Variants in PBX3 observed in about 807,000 individuals in gnomAD.
The protein encoded by PBX3 is PBX homeobox 3.
In PBX3, 14 loss-of-function variants were observed where a neutral mutation model predicts 48.5. That is an observed-to-expected ratio of 0.29 (90% CI 0.19 to 0.45). The LOEUF is 0.45. Among genes scored for constraint, PBX3 ranks in the 20% least tolerant of loss-of-function variants. The pLI, the probability that PBX3 is intolerant of heterozygous loss-of-function variation, is 1.00. For synonymous variants in PBX3, 210 were observed against 200.3 expected (o/e 1.05, Z -0.41); for missense variants, 386 against 546.7 (o/e 0.71, Z 2.93).
intron 2 of PBX3, among the ~76,000 whole-genome samples, chr9:125,758,663 C>T (rs140582020): frequency 7.0e-4 from 106 of 152,176 alleles, no homozygotes; most frequent in Non-Finnish European, 1.4e-3. Context: ...CTTCCTTAAG[C>T]GATTATAATT....
intron 5 of PBX3, among the ~76,000 whole-genome samples, chr9:125,955,549 G>A (rs957217779): frequency 6.6e-6 from 1 of 152,214 alleles, no homozygotes; most frequent in African/African-American, 2.4e-5. Flanking sequence ...CCAGGGAGAG[G>A]GAGGCAGGCT....
intron 2 of PBX3, among the ~76,000 whole-genome samples, chr9:125,825,597 C>T (rs920527982): frequency 9.9e-5 from 15 of 151,658 alleles, no homozygotes; most frequent in Non-Finnish European, 5.9e-5. Flanking sequence ...TTGTCAACTT[C>T]ATTGTATACT....
chr9:125,813,702 T>G (rs1838365727), intron 2 of PBX3, among the ~76,000 whole-genome samples: 1 of 152,152 alleles, frequency 6.6e-6, no homozygotes, highest in South Asian at 2.1e-4. Flanking sequence ...TATCTTGTCT[T>G]TGCCTTGTCC....
At chr9:125,951,297 A>G (rs922505729) in intron 5 of PBX3, among the ~76,000 whole-genome samples, 1 of 152,166 alleles carries the variant, frequency 6.6e-6, no homozygotes, top group African/African-American at 2.4e-5. Context: ...CTTGTGCAGA[A>G]CAATAGCCCA....
Position 125,916,766 on chromosome 9 carries a change from A to T in PBX3, c.516+839A>T, listed in dbSNP as rs1051428753. On this transcript the variant is annotated intron_variant, in intron 3 of 8. Transcript: ENST00000373489. ...TCTTTTTACATATATTTTAGTTGTT[A>T]GTTTAATGCTGAAAAGCTGCCAAGT... Among the ~76,000 whole-genome samples the T allele has an allele frequency of 4.1e-4, 63 of 152,220 alleles. 1 individual carries two copies. Among genetic ancestry groups the T allele is most frequent in the Admixed American group, 2.0e-4 (3 of 15,284 alleles).
chr9:125,960,956 A>G, intron 6 of PBX3, 107 bp downstream of exon 6: 1 of 1,084,094 alleles, frequency 9.2e-7, no homozygotes. Flanking sequence ...GAGTGGACTT[A>G]AAAAGGAAGA....
At chr9:125,780,458 CG>C (rs1175756677) in intron 2 of PBX3, among the ~76,000 whole-genome samples, 48 of 110,762 alleles carry the variant, frequency 4.3e-4, no homozygotes, top group African/African-American at 1.7e-3. Context: ...GCTGGCCGGG[CG>C]GGGGGCTGAC....
Position 125,799,399 on chromosome 9 carries a change from C to T in PBX3, c.274+50776C>T, listed in dbSNP as rs779518627. ...GTGCACGCTGTAGTCCCAGCTACTC[C>T]GGAGGCTGAGGTGGGACGATTTCTT... is the stretch of plus-strand genomic sequence containing the variant. On this transcript the variant is annotated intron_variant, in intron 2 of 8. Coordinates refer to ENST00000373489, the MANE Select transcript of PBX3 (RefSeq NM_006195.6). Among the ~76,000 whole-genome samples, 44 of 151,956 alleles carry T rather than the reference C, an allele frequency of 2.9e-4. 2 individuals are homozygous for T. The highest frequency in any genetic ancestry group is 5.0e-4 in the Non-Finnish European group (34 of 67,988).
chr9:125,870,196 G>T (rs1323905479), intron 2 of PBX3, among the ~76,000 whole-genome samples: 1 of 151,990 alleles, frequency 6.6e-6, no homozygotes, highest in Non-Finnish European at 1.5e-5. Context: ...AGCCTTCCAA[G>T]TAGCTGGGAT....
chr9:125,964,185 C>T (rs1319330164), intron 8 of PBX3, among the ~76,000 whole-genome samples: 1 of 152,122 alleles, frequency 6.6e-6, no homozygotes, highest in Non-Finnish European at 1.5e-5. Context: ...AGTGCATAAT[C>T]TCAAACCACC....
intron 2 of PBX3, among the ~76,000 whole-genome samples, chr9:125,812,908 G>T (rs7040425): frequency 6.6e-6 from 1 of 152,002 alleles, no homozygotes; most frequent in African/African-American, 2.4e-5. Context: ...ACATGGTATA[G>T]CTGTATAGGG....
intron 2 of PBX3, among the ~76,000 whole-genome samples, chr9:125,771,159 G>A (rs1278741528): frequency 1.3e-5 from 2 of 152,156 alleles, no homozygotes; most frequent in South Asian, 2.1e-4. Flanking sequence ...AAAGGCTGGT[G>A]CATATTTCAT....
At chr9:125,899,193 ATATATATATTTATAAATATACATATG>A (rs1564162978) in intron 2 of PBX3, among the ~76,000 whole-genome samples, 3 of 143,272 alleles carry the variant, frequency 2.1e-5, no homozygotes, top group Non-Finnish European at 3.0e-5. Context: ...TCTTTAGATG[ATATATATATTTATAAATATACATATG>A]TATATATATT....
At chr9:125,945,842 T>C (rs1418660576) in intron 5 of PBX3, among the ~76,000 whole-genome samples, 2 of 152,294 alleles carry the variant, frequency 1.3e-5, no homozygotes, top group Admixed American at 1.3e-4. Context: ...AAGATACAGC[T>C]TGGAGGTCAT....
At chr9:125,826,344 C>T (rs754321146) in intron 2 of PBX3, among the ~76,000 whole-genome samples, 5 of 152,084 alleles carry the variant, frequency 3.3e-5, no homozygotes, top group Non-Finnish European at 7.4e-5. Flanking sequence ...AATAACCTTC[C>T]TTTCTCTTCA....
chr9:125,762,761 A>T (rs1836703435), intron 2 of PBX3, among the ~76,000 whole-genome samples: 1 of 152,234 alleles, frequency 6.6e-6, no homozygotes. Context: ...GGCAACCATA[A>T]AAACTTAAAA....
chr9:125,764,244 C>T (rs1008701273), intron 2 of PBX3, among the ~76,000 whole-genome samples: 1 of 152,204 alleles, frequency 6.6e-6, no homozygotes, highest in African/African-American at 2.4e-5. Flanking sequence ...TTGTCAGCAG[C>T]TTTCTTAGCC....
chr9:125,915,449 G>A (rs1349833377), intron 2 of PBX3, among the ~76,000 whole-genome samples: 1 of 152,050 alleles, frequency 6.6e-6, no homozygotes, highest in African/African-American at 2.4e-5. Flanking sequence ...CTAGTCTGTG[G>A]TAAATTGAGG....
intron 2 of PBX3, among the ~76,000 whole-genome samples, chr9:125,799,208 A>G (rs1837868145): frequency 6.6e-6 from 1 of 152,210 alleles, no homozygotes; most frequent in Non-Finnish European, 1.5e-5. Flanking sequence ...GGAGATGACC[A>G]GAAGTAACAA....
Sources: allele counts gnomAD v4.1 joint callset (sites outside exome capture counted in the v4.1 genomes callset), GRCh38; gene constraint gnomAD v4.1.1; transcripts MANE v1.5; gene names NCBI Gene and HGNC (gene_info 2026-07-23, HGNC 2026-07-21).